Variants in CSMD1 observed in about 807,000 individuals in gnomAD.
CSMD1 encodes CUB and Sushi multiple domains 1, also known as CUB and sushi domain-containing protein 1.
Under a neutral mutation model 417.5 loss-of-function variants are expected in CSMD1, and 213 were observed. The ratio of observed to expected loss-of-function variants is 0.51; its 90% CI spans 0.46 to 0.57. The LOEUF is 0.57. Ranked by LOEUF, CSMD1 falls within the 20% of genes least tolerant of loss-of-function variation. CSMD1 has a pLI of 0.00. For missense variants in CSMD1, 6,923 were observed against 4,529.7 expected (o/e 1.53, Z -15.17); for synonymous variants, 2,862 against 1,736.8 (o/e 1.65, Z -16.11).
At chr8:4,480,024 C>T (rs901230939) in intron 2 of CSMD1, among the ~76,000 whole-genome samples, 2 of 150,872 alleles carry the variant, frequency 1.3e-5, no homozygotes, top group African/African-American at 4.9e-5. Context: ...AGCAAACATA[C>T]TTATCCTATC....
chr8:3,923,556 G>C (rs1392847009), intron 5 of CSMD1, among the ~76,000 whole-genome samples: 1 of 152,134 alleles, frequency 6.6e-6, no homozygotes, highest in South Asian at 2.1e-4. Flanking sequence ...AGGATACACT[G>C]TGAAATAATT....
chr8:4,230,857 A>G (rs1231834057), intron 3 of CSMD1, among the ~76,000 whole-genome samples: 1 of 152,200 alleles, frequency 6.6e-6, no homozygotes, highest in African/African-American at 2.4e-5. Flanking sequence ...ACAATCGATT[A>G]TAGATTCTTT....
At chr8:4,298,008 G>A (rs116180594) in intron 3 of CSMD1, among the ~76,000 whole-genome samples, 1 of 152,078 alleles carries the variant, frequency 6.6e-6, no homozygotes, top group Non-Finnish European at 1.5e-5. Flanking sequence ...GCAAACGCTT[G>A]TTTCCCTTCA....
At chr8:4,838,797 G>C (rs1333230959) in intron 1 of CSMD1, among the ~76,000 whole-genome samples, 2 of 152,192 alleles carry the variant, frequency 1.3e-5, no homozygotes, top group African/African-American at 4.8e-5. Context: ...GGAACCGACA[G>C]ACACTGGCTC....
At chr8:4,766,144 G>A (rs1382782872) in intron 1 of CSMD1, among the ~76,000 whole-genome samples, 1 of 152,162 alleles carries the variant, frequency 6.6e-6, no homozygotes, top group Non-Finnish European at 1.5e-5. Context: ...AATGTACAAT[G>A]CTTTGTGTAC....
At chr8:4,143,367 A>T (rs1287342432) in intron 3 of CSMD1, among the ~76,000 whole-genome samples, 1 of 78,102 alleles carries the variant, frequency 1.3e-5, no homozygotes, top group African/African-American at 5.1e-5. Flanking sequence ...ATGACGTCTT[A>T]TCCCTTTTTT....
rs559256423 is a variant in CSMD1, at chr8:2,959,686, T to TA, written c.9702+1454dup. Among the ~76,000 whole-genome samples, 473 of 152,296 alleles carry TA rather than the reference T, an allele frequency of 3.1e-3. 1 individual carries two copies. Among genetic ancestry groups the TA allele is most frequent in the Non-Finnish European group, 5.4e-3 (366 of 68,018 alleles). On this transcript the variant is annotated intron_variant, in intron 62 of 69. Coordinates refer to ENST00000635120, the MANE Select transcript of CSMD1 (RefSeq NM_033225.6). ...AGTCATTTAAGCTGCAAGATTAACA[T>TA]AGCCTAACACAGGGACATTTCACAC...
chr8:3,335,489 C>G (rs1273385035), intron 23 of CSMD1, among the ~76,000 whole-genome samples: 1 of 152,132 alleles, frequency 6.6e-6, no homozygotes, highest in African/African-American at 2.4e-5. Context: ...ACCAGCCTGA[C>G]CAACATAGAG....
At chr8:3,295,169 G>T (rs187031409) in intron 25 of CSMD1, among the ~76,000 whole-genome samples, 1 of 152,082 alleles carries the variant, frequency 6.6e-6, no homozygotes, top group African/African-American at 2.4e-5. Context: ...TTGTTGCCCA[G>T]GTTGGAGTGC....
chr8:3,525,082 G>C lies in CSMD1; in HGVS notation c.1345-31356C>G, dbSNP rs145613452. ...CTCTATCTGAAAAGCCAACTAAAGTGAATCTCTTATTTTTCAAGCTCAAAG... is the reference window on the plus strand; with the variant it reads ...CTCTATCTGAAAAGCCAACTAAAGTCAATCTCTTATTTTTCAAGCTCAAAG... On this transcript the variant is annotated intron_variant, in intron 10 of 69. Coordinates refer to ENST00000635120, the MANE Select transcript of CSMD1 (RefSeq NM_033225.6). Among the ~76,000 whole-genome samples the C allele has an allele frequency of 4.4e-3, 665 of 152,234 alleles. 3 individuals are homozygous for C. The highest frequency in any genetic ancestry group is 0.026 in the South Asian group (126 of 4,816).
At chr8:3,448,501 C>A (rs993983784) in intron 12 of CSMD1, among the ~76,000 whole-genome samples, 2 of 132,772 alleles carry the variant, frequency 1.5e-5, no homozygotes, top group Non-Finnish European at 3.2e-5. Flanking sequence ...GACTTTTTCC[C>A]TGAAAACTTG....
At chr8:4,991,696 G>A (rs1440340039) in intron 1 of CSMD1, among the ~76,000 whole-genome samples, 1 of 152,144 alleles carries the variant, frequency 6.6e-6, no homozygotes, top group Non-Finnish European at 1.5e-5. Flanking sequence ...ACGCCCCCGG[G>A]GGGAGGCCCG....
chr8:3,412,289 G>T (rs1812861244), intron 12 of CSMD1, among the ~76,000 whole-genome samples: 2 of 151,710 alleles, frequency 1.3e-5, no homozygotes, highest in Admixed American at 6.6e-5. Context: ...AAATTGTGCT[G>T]CTATAAATAT....
intron 10 of CSMD1, among the ~76,000 whole-genome samples, chr8:3,523,099 T>A (rs997542219): frequency 6.6e-6 from 1 of 151,668 alleles, no homozygotes; most frequent in African/African-American, 2.4e-5. Flanking sequence ...CATCCAATAT[T>A]ATAGTTACAT....
chr8:4,772,874 T>C (rs778179530), intron 1 of CSMD1, among the ~76,000 whole-genome samples: 1 of 152,194 alleles, frequency 6.6e-6, no homozygotes, highest in Non-Finnish European at 1.5e-5. Context: ...AATGTGGATT[T>C]AATCCTGTTA....
chr8:4,320,998 C>G (rs559911463), intron 3 of CSMD1, among the ~76,000 whole-genome samples: 1 of 152,236 alleles, frequency 6.6e-6, no homozygotes, highest in East Asian at 1.9e-4. Flanking sequence ...ATACCAGTTT[C>G]TCTGTAAATT....
intron 5 of CSMD1, among the ~76,000 whole-genome samples, chr8:3,861,230 G>A (rs1804685375): frequency 6.6e-6 from 1 of 152,190 alleles, no homozygotes; most frequent in African/African-American, 2.4e-5. Context: ...GCAGTCGCCT[G>A]TGGGTTTCTA....
chr8:3,597,302 G>A (rs1039064887), intron 8 of CSMD1, among the ~76,000 whole-genome samples: 2 of 152,084 alleles, frequency 1.3e-5, no homozygotes, highest in African/African-American at 4.8e-5. Context: ...CTGAAGCTGA[G>A]CACAGCTTCC....
intron 3 of CSMD1, among the ~76,000 whole-genome samples, chr8:4,199,125 T>A (rs1799505348): frequency 6.6e-6 from 1 of 152,174 alleles, no homozygotes; most frequent in South Asian, 2.1e-4. Context: ...CGTAAAGTTC[T>A]CATATATTTG....
Sources: allele counts gnomAD v4.1 joint callset (sites outside exome capture counted in the v4.1 genomes callset), GRCh38; gene constraint gnomAD v4.1.1; transcripts MANE v1.5; gene names NCBI Gene and HGNC (gene_info 2026-07-23, HGNC 2026-07-21).